Variants in CEP83 observed in about 807,000 individuals in gnomAD.
CEP83 encodes the protein centrosomal protein of 83 kDa.
In CEP83, 70 loss-of-function variants were observed where a neutral mutation model predicts 101.9. The observed-to-expected ratio is 0.69, with a 90% CI of 0.57 to 0.84. The LOEUF (loss-of-function observed/expected upper bound fraction) is 0.84. Ranked by LOEUF, CEP83 falls within the 40% of genes least tolerant of loss-of-function variation. The pLI is 0.00. For synonymous variants in CEP83, 264 were observed against 267.9 expected (o/e 0.99, Z 0.14); for missense variants, 715 against 787.2 (o/e 0.91, Z 1.10).
chr12:94,424,877 A>T, intron 2 of CEP83: 3 of 1,601,122 alleles, frequency 1.9e-6, no homozygotes, highest in Non-Finnish European at 2.6e-6. Context: ...AGGTGGTGCC[A>T]TCTGCTGAGC....
At chr12:94,394,222 A>G (rs1215680069) in intron 6 of CEP83, among the ~76,000 whole-genome samples, 2 of 152,230 alleles carry the variant, frequency 1.3e-5, no homozygotes, top group African/African-American at 4.8e-5. Flanking sequence ...ACTTCTAACT[A>G]TACTACAAGG....
chr12:94,340,641 T>C (rs2059641265), intron 11 of CEP83, among the ~76,000 whole-genome samples: 1 of 152,150 alleles, frequency 6.6e-6, no homozygotes, highest in African/African-American at 2.4e-5. Context: ...TTAACCAAGT[T>C]GGCCAGGCTG....
chr12:94,335,468 A>T (rs2059408709), intron 12 of CEP83, 121 bp downstream of exon 12: 1 of 650,854 alleles, frequency 1.5e-6, no homozygotes, highest in Admixed American at 3.0e-5. Context: ...CTCCAACAAT[A>T]TGTTACCAAT....
intron 7 of CEP83, 58 bp downstream of exon 7, chr12:94,378,733 G>T: frequency 6.3e-7 from 1 of 1,576,742 alleles, no homozygotes; most frequent in Non-Finnish European, 8.6e-7. Context: ...TCAAAGGCTT[G>T]TCAACTGCAC....
At chr12:94,274,155 TAAAAA>T in the CEP83 span, among the ~76,000 whole-genome samples, 60 of 45,366 alleles carry the variant, frequency 1.3e-3, no homozygotes, top group African/African-American at 4.4e-3. Context: ...ACCCTGTCTC[TAAAAA>T]AAAAAAAAAA....
intron 2 of CEP83, among the ~76,000 whole-genome samples, chr12:94,414,407 C>A (rs764369127): frequency 6.6e-5 from 10 of 152,170 alleles, no homozygotes; most frequent in Non-Finnish European, 1.3e-4. Context: ...ACAGCCATCC[C>A]AACCTTCAGC....
Position 94,411,761 on chromosome 12 carries a change from A to G in CEP83, c.260T>C (p.Leu87Pro). 6.2e-7 allele frequency: 1 copy of G among 1,611,936 alleles called. No individual in the cohort carries two copies. Among genetic ancestry groups the G allele is most frequent in the Non-Finnish European group, 8.5e-7 (1 of 1,178,494 alleles). Reference protein sequence around the residue: ...KQTQQEKLQLLLEELRGELVE... With the variant: ...KQTQQEKLQLPLEELRGELVE... ...TAATTCTCCTCTTAGTTCTTCAAGC[A>G]GGAGCTGAAGTTTTTCCTGCTGAGT... The change falls in exon 4 of 17, where the codon CTG becomes CCG. Residue 87 changes from leucine to proline, a missense_variant. Physicochemically the swap from Leu to Pro is moderately conservative, Grantham distance 98. Transcript: ENST00000397809.
chr12:94,389,934 G>T (rs1387010604), intron 6 of CEP83, among the ~76,000 whole-genome samples: 1 of 152,224 alleles, frequency 6.6e-6, no homozygotes, highest in Non-Finnish European at 1.5e-5. Context: ...CCCCATTGCT[G>T]AGGCTTGAGT....
the CEP83 span, among the ~76,000 whole-genome samples, chr12:94,289,168 T>G: frequency 1.3e-5 from 2 of 152,206 alleles, no homozygotes; most frequent in African/African-American, 4.8e-5. Context: ...AATCTTACCT[T>G]CACTTGCAAG....
the CEP83 span, chr12:94,277,176 T>C: frequency 6.6e-6 from 1 of 152,200 alleles, no homozygotes. Flanking sequence ...TTTCTCATGA[T>C]GGCGCCTTCC....
At chr12:94,273,938 G>A in the CEP83 span, among the ~76,000 whole-genome samples, 6,768 of 151,972 alleles carry the variant, frequency 0.045, 241 homozygotes, top group African/African-American at 0.093. Flanking sequence ...AGAGCTCTGC[G>A]TCACCATCTC....
At chr12:94,378,312 A>T (rs1384961832) in intron 7 of CEP83, among the ~76,000 whole-genome samples, 3 of 152,166 alleles carry the variant, frequency 2.0e-5, no homozygotes, top group African/African-American at 4.8e-5. Context: ...CTGTAAAGGC[A>T]TGTATACCTT....
chr12:94,340,853 A>G (rs556806316), intron 11 of CEP83, among the ~76,000 whole-genome samples: 1 of 152,326 alleles, frequency 6.6e-6, no homozygotes, highest in African/African-American at 2.4e-5. Flanking sequence ...AGATAATAAG[A>G]GAGGAGAGAG....
intron 11 of CEP83, among the ~76,000 whole-genome samples, chr12:94,346,797 T>C (rs2059953024): frequency 6.6e-6 from 1 of 152,188 alleles, no homozygotes; most frequent in African/African-American, 2.4e-5. Context: ...TTCTGTGTTG[T>C]GGTGTGAAAA....
chr12:94,408,484 A>G (rs145428993), intron 4 of CEP83, among the ~76,000 whole-genome samples: 1 of 152,358 alleles, frequency 6.6e-6, no homozygotes, highest in East Asian at 1.9e-4. Flanking sequence ...TTATTAGAAT[A>G]TATCAAATGA....
the CEP83 span, among the ~76,000 whole-genome samples, chr12:94,274,577 C>T: frequency 6.6e-6 from 1 of 152,206 alleles, no homozygotes; most frequent in Admixed American, 6.5e-5. Flanking sequence ...AGAGGCAGGG[C>T]AGTCCCTCTA....
intron 11 of CEP83, among the ~76,000 whole-genome samples, chr12:94,339,822 C>T (rs1423283519): frequency 6.6e-6 from 1 of 152,220 alleles, no homozygotes; most frequent in Non-Finnish European, 1.5e-5. Flanking sequence ...TAAGAACCCA[C>T]TCAAAAGAGA....
Position 94,457,524 on chromosome 12 carries a change from A to C in CEP83, c.-155+2033T>G, listed in dbSNP as rs902794545. Among the ~76,000 whole-genome samples the C allele has an allele frequency of 1.3e-5, 2 of 152,236 alleles. 1 individual carries two copies. The highest frequency in any genetic ancestry group is 3.8e-4 in the East Asian group (2 of 5,204). On this transcript the variant is annotated intron_variant, in intron 1 of 16. Transcript: ENST00000397809. ...ACATAATGCTGATTTCTGATTACTA[A>C]GGATTATACGAGTCATTCTTGATTT...
At chr12:94,368,850 C>A (rs2061152089) in intron 9 of CEP83, 1 of 152,152 alleles carries the variant, frequency 6.6e-6, no homozygotes, top group Non-Finnish European at 1.5e-5. Context: ...TAGAAATTAA[C>A]AATTGGAAAA....
Sources: gnomAD v4.1 joint callset for allele counts (sites outside exome capture counted in the v4.1 genomes callset) on GRCh38, gnomAD v4.1.1 for gene constraint, MANE v1.5 for transcripts, NCBI Gene and HGNC (gene_info 2026-07-23, HGNC 2026-07-21) for gene names.